SRBD1: variants seen among roughly 807,000 people sequenced by gnomAD.
SRBD1 encodes S1 RNA-binding domain-containing protein 1.
SRBD1 carries 88 observed loss-of-function variants against 115.3 expected under a neutral mutation model. The observed-to-expected ratio is 0.76, with a 90% CI of 0.64 to 0.91. The LOEUF (loss-of-function observed/expected upper bound fraction) is 0.91. SRBD1 is among the 40% of genes least tolerant of loss of function. The probability of loss-of-function intolerance (pLI) is 0.00; values close to 1 mark genes in which losing one functional copy is unlikely to be tolerated. For synonymous variants in SRBD1, 509 were observed against 407.7 expected (o/e 1.25, Z -2.99); for missense variants, 1,385 against 1,177.4 (o/e 1.18, Z -2.58).
intron 16 of SRBD1, among the ~76,000 whole-genome samples, chr2:45,448,748 A>G (rs1246186453): frequency 1.3e-5 from 2 of 152,216 alleles, no homozygotes; most frequent in African/African-American, 4.8e-5. Context: ...AAGAAATTAG[A>G]AAACAGGATT....
chr2:45,604,528 T>G (rs1674204959), intron 2 of SRBD1, among the ~76,000 whole-genome samples: 2 of 152,168 alleles, frequency 1.3e-5, no homozygotes, highest in Non-Finnish European at 2.9e-5. Flanking sequence ...ATCTCATTTC[T>G]TACTACTCTC....
chr2:45,601,494 T>C (rs1485307142), intron 3 of SRBD1, among the ~76,000 whole-genome samples: 4 of 152,224 alleles, frequency 2.6e-5, no homozygotes, highest in African/African-American at 9.6e-5. Flanking sequence ...AGAAACCCAG[T>C]TCCATCACTT....
At chr2:45,499,747 G>C (rs1670569574) in intron 14 of SRBD1, among the ~76,000 whole-genome samples, 1 of 152,082 alleles carries the variant, frequency 6.6e-6, no homozygotes, top group Admixed American at 6.5e-5. Flanking sequence ...ATTTATTAAA[G>C]AGGCTGTCCT....
intron 3 of SRBD1, among the ~76,000 whole-genome samples, 194 bp from the exon 4 acceptor site, chr2:45,600,029 C>G (rs1470850865): frequency 6.6e-6 from 1 of 152,106 alleles, no homozygotes; most frequent in Non-Finnish European, 1.5e-5. Flanking sequence ...ATATAACATT[C>G]CTGAAGAGAT....
rs959321333 is a variant in SRBD1, at chr2:45,565,845, C to T, written c.1306-3089G>A. 9.8e-5 allele frequency among the ~76,000 whole-genome samples: 15 copies of T among 152,302 alleles called. 1 individual carries two copies. The highest frequency in any genetic ancestry group is 9.6e-4 in the East Asian group (5 of 5,192). On this transcript the variant is annotated intron_variant, in intron 9 of 20. Transcript: ENST00000263736. ...TTCACCATGTTGGCCAGGCTGGTCT[C>T]GAACTCCTGACCTCAGGCGATCCGC...
intron 16 of SRBD1, among the ~76,000 whole-genome samples, chr2:45,434,799 C>A (rs931160831): frequency 3.3e-5 from 5 of 149,300 alleles, no homozygotes; most frequent in Non-Finnish European, 7.4e-5. Flanking sequence ...ACTTTAAGTT[C>A]TTGGGCACAT....
chr2:45,599,605 T>C lies in SRBD1; in HGVS notation c.492A>G (p.Thr164=), dbSNP rs1674025182. Residue 164 remains threonine (T), a synonymous_variant, in exon 4 of 21, where the codon ACA becomes ACG. Transcript: ENST00000263736. Reference sequence around the variant, plus strand: ...CATCGTCATTCTCTTCCTTCTTGCATGTACCTCCCCACACAGTGCTTGTGG... The same window carrying C: ...CATCGTCATTCTCTTCCTTCTTGCACGTACCTCCCCACACAGTGCTTGTGG... ...TPSTSTVWGG[T]CKKEENDDDF... 1.9e-6 allele frequency: 3 copies of C among 1,614,218 alleles called. No homozygotes were observed. Among genetic ancestry groups the C allele is most frequent in the Non-Finnish European group, 2.5e-6 (3 of 1,180,036 alleles).
chr2:45,562,838 T>TAGTC, intron 9 of SRBD1, 82 bp from the exon 10 acceptor site: 1 of 842,320 alleles, frequency 1.2e-6, no homozygotes, highest in Non-Finnish European at 1.8e-6. Context: ...GACAGCTATA[T>TAGTC]GAATTTTTTA....
intron 4 of SRBD1, among the ~76,000 whole-genome samples, chr2:45,595,346 G>T (rs1477065681): frequency 1.3e-5 from 2 of 152,196 alleles, no homozygotes; most frequent in African/African-American, 4.8e-5. Flanking sequence ...ATATATAAAT[G>T]ACATTTCCAC....
intron 3 of SRBD1, among the ~76,000 whole-genome samples, chr2:45,600,179 C>G (rs1294830409): frequency 6.6e-6 from 1 of 151,882 alleles, no homozygotes; most frequent in African/African-American, 2.4e-5. Context: ...TTGCACAGAA[C>G]CAAGTACATA....
At chr2:45,591,725 G>C (rs1673731754) in intron 4 of SRBD1, among the ~76,000 whole-genome samples, 1 of 152,168 alleles carries the variant, frequency 6.6e-6, no homozygotes, top group Non-Finnish European at 1.5e-5. Context: ...GGAATGTTGG[G>C]TGATGGTTCA....
At chr2:45,536,543 T>C (rs1671768727) in intron 14 of SRBD1, among the ~76,000 whole-genome samples, 1 of 152,150 alleles carries the variant, frequency 6.6e-6, no homozygotes, top group African/African-American at 2.4e-5. Context: ...AAGATTATAA[T>C]AAAGTTTTAT....
At chr2:45,590,121 A>G (rs149448709) in intron 4 of SRBD1, among the ~76,000 whole-genome samples, 20 of 152,374 alleles carry the variant, frequency 1.3e-4, no homozygotes, top group Non-Finnish European at 2.2e-4. Context: ...TTAAATCGCT[A>G]AAAGTTCAGT....
At chr2:45,494,161 A>G (rs1290336452) in intron 14 of SRBD1, among the ~76,000 whole-genome samples, 1 of 152,178 alleles carries the variant, frequency 6.6e-6, no homozygotes, top group East Asian at 1.9e-4. Flanking sequence ...CTCATGTAAA[A>G]TATTTATGAT....
intron 14 of SRBD1, among the ~76,000 whole-genome samples, chr2:45,526,543 C>A (rs1339780836): frequency 6.6e-6 from 1 of 151,822 alleles, no homozygotes; most frequent in African/African-American, 2.4e-5. Context: ...GTAGTGATAG[C>A]TGCACATCTG....
chr2:45,578,708 T>C (rs1045781718), intron 7 of SRBD1, among the ~76,000 whole-genome samples: 25 of 151,750 alleles, frequency 1.6e-4, no homozygotes, highest in Admixed American at 7.2e-4. Context: ...GGGGGCGGGG[T>C]GGAAAGACGT....
chr2:45,490,051 A>G (rs1670246871), intron 14 of SRBD1, among the ~76,000 whole-genome samples: 1 of 152,168 alleles, frequency 6.6e-6, no homozygotes, highest in Non-Finnish European at 1.5e-5. Context: ...ATAACTTCAG[A>G]GACCAGCTTC....
At chr2:45,584,032 C>T (rs1673443124) in intron 5 of SRBD1, among the ~76,000 whole-genome samples, 1 of 152,178 alleles carries the variant, frequency 6.6e-6, no homozygotes, top group Non-Finnish European at 1.5e-5. Context: ...GCTTGTGAGG[C>T]TTTCTCCAAT....
At chr2:45,435,277 A>T (rs552789890) in intron 16 of SRBD1, among the ~76,000 whole-genome samples, 57 of 152,198 alleles carry the variant, frequency 3.7e-4, no homozygotes, top group African/African-American at 1.2e-3. Context: ...GGAGAGGGAA[A>T]CTACATAGAA....
Sources: gnomAD v4.1 joint callset for allele counts (sites outside exome capture counted in the v4.1 genomes callset) on GRCh38, gnomAD v4.1.1 for gene constraint, MANE v1.5 for transcripts, NCBI Gene and HGNC (gene_info 2026-07-23, HGNC 2026-07-21) for gene names.